Variants in ADAP2 observed in about 807,000 individuals in gnomAD.
The protein encoded by ADAP2 is arf-GAP with dual PH domain-containing protein 2.
Under a neutral mutation model 54.9 loss-of-function variants are expected in ADAP2, and 42 were observed. The observed-to-expected ratio is 0.77, with a 90% confidence interval of 0.60 to 0.99. ADAP2 has a LOEUF of 0.99. ADAP2 is among the 50% of genes least tolerant of loss of function. The pLI is 0.00. For synonymous variants in ADAP2, 177 were observed against 180.1 expected, an observed-to-expected ratio of 0.98 and a Z score of 0.14; for missense variants, 429 against 480.4, an observed-to-expected ratio of 0.89 and a Z score of 1.00.
chr17:30,941,312 A>G (rs890192290), intron 5 of ADAP2, among the ~76,000 whole-genome samples: 3 of 152,166 alleles, frequency 2.0e-5, no homozygotes, highest in Admixed American at 1.3e-4. Flanking sequence ...ATTGATGTAG[A>G]TGGTCTGCTG....
intron 2 of ADAP2, among the ~76,000 whole-genome samples, chr17:30,925,262 T>C (rs1281186229): frequency 6.8e-6 from 1 of 146,986 alleles, no homozygotes; most frequent in East Asian, 2.0e-4. Flanking sequence ...CGATCTCGGC[T>C]CACTGCAACC....
At chr17:30,934,942 A>T (rs1433084195) in intron 5 of ADAP2, among the ~76,000 whole-genome samples, 1 of 152,132 alleles carries the variant, frequency 6.6e-6, no homozygotes, top group Admixed American at 6.5e-5. Flanking sequence ...AGTCCCAGCT[A>T]CTAGGGAGTC....
chr17:30,958,678 C>G lies in ADAP2; in HGVS notation c.*809C>G, dbSNP rs1057180201. The stretch of plus-strand genomic sequence containing the variant: ...GGAAGCTGAGGCAGGAGGATTGAGA[C>G]CAGGAGTTCGAGAAGAGCCTGGGCA... On this transcript the variant is annotated 3_prime_UTR_variant, in exon 11 of 11. Coordinates refer to ENST00000330889, the MANE Select transcript of ADAP2 (RefSeq NM_018404.3). 6.6e-6 allele frequency: 1 copy of G among 152,128 alleles called. No individual in the cohort carries two copies. The highest frequency in any genetic ancestry group is 1.5e-5 in the Non-Finnish European group (1 of 68,072). The allele number at this position is 152,128 out of a possible 1,614,324, so 9.4% of individuals were successfully genotyped here. A position where few individuals can be genotyped will look rare whatever the true frequency, so the allele number is the denominator to read the frequency against.
intron 9 of ADAP2, among the ~76,000 whole-genome samples, chr17:30,955,349 A>C (rs1904987622): frequency 6.6e-6 from 1 of 151,986 alleles, no homozygotes. Flanking sequence ...AGGCTGAGAC[A>C]GGAGGATCGC....
Position 30,953,325 on chromosome 17 carries a change from G to T in ADAP2, c.779G>T (p.Gly260Val). The change falls in exon 8 of 11, where the codon GGC becomes GTC. Residue 260 changes from glycine to valine, a missense_variant. Physicochemically the swap from Gly to Val is moderately radical, Grantham distance 109 (BLOSUM62 -3). Coordinates refer to ENST00000330889, the MANE Select transcript of ADAP2 (RefSeq NM_018404.3). ...CTCACCAGGAACTACCTCAAACAAGGCTTCATGGAAAAGACTGGGCCAAAG... is the reference window on the plus strand; with the variant it reads ...CTCACCAGGAACTACCTCAAACAAGTCTTCATGGAAAAGACTGGGCCAAAG... Reference protein sequence around the residue: ...PFLTRNYLKQGFMEKTGPKQK... With the variant: ...PFLTRNYLKQVFMEKTGPKQK... 13 of 1,614,000 alleles carry T rather than the reference G, an allele frequency of 8.1e-6. No homozygotes were observed. The highest frequency in any genetic ancestry group is 1.1e-5 in the Non-Finnish European group (13 of 1,180,014).
chr17:30,936,958 T>C (rs1359121287), intron 5 of ADAP2, among the ~76,000 whole-genome samples: 4 of 152,140 alleles, frequency 2.6e-5, no homozygotes, highest in Non-Finnish European at 4.4e-5. Flanking sequence ...AGATGGAGGC[T>C]CACTCTGTCA....
chr17:30,947,400 C>T (rs1353247289), intron 6 of ADAP2, among the ~76,000 whole-genome samples: 1 of 152,150 alleles, frequency 6.6e-6, no homozygotes, highest in Non-Finnish European at 1.5e-5. Flanking sequence ...GTCACCCAGA[C>T]TGGAGTGCAG....
At chr17:30,925,197 T>G (rs1368781498) in intron 2 of ADAP2, among the ~76,000 whole-genome samples, 1 of 144,952 alleles carries the variant, frequency 6.9e-6, no homozygotes. Flanking sequence ...TTTTTTTTTT[T>G]TTTTTTGAGA....
chr17:30,942,333 C>T (rs1396154522), intron 5 of ADAP2, among the ~76,000 whole-genome samples: 2 of 152,076 alleles, frequency 1.3e-5, no homozygotes, highest in African/African-American at 2.4e-5. Flanking sequence ...CTGGTAGTGT[C>T]AAGTGTTGGT....
At chr17:30,925,452 A>G (rs1260692959) in intron 2 of ADAP2, among the ~76,000 whole-genome samples, 1 of 151,834 alleles carries the variant, frequency 6.6e-6, no homozygotes, top group Non-Finnish European at 1.5e-5. Flanking sequence ...TAGCCTCCCA[A>G]AGTGCTGGGA....
At chr17:30,944,778 T>G in intron 5 of ADAP2, 129 bp from the exon 6 acceptor site, 9 of 987,524 alleles carry the variant, frequency 9.1e-6, no homozygotes, top group Non-Finnish European at 1.2e-5. Context: ...AATTTCGATA[T>G]GAGAGCAAGA....
chr17:30,953,690 C>G (rs141700011), intron 8 of ADAP2, among the ~76,000 whole-genome samples: 8,601 of 152,098 alleles, frequency 0.057, 327 homozygotes, highest in Non-Finnish European at 0.087. Flanking sequence ...GTGCCCACCA[C>G]CATGCCCGGC....
intron 5 of ADAP2, among the ~76,000 whole-genome samples, chr17:30,942,336 G>T (rs1316111498): frequency 6.6e-6 from 1 of 152,186 alleles, no homozygotes; most frequent in Non-Finnish European, 1.5e-5. Flanking sequence ...GTAGTGTCAA[G>T]TGTTGGTGAG....
At chr17:30,925,218 C>T (rs144422718) in intron 2 of ADAP2, among the ~76,000 whole-genome samples, 7,908 of 133,274 alleles carry the variant, frequency 0.059, 664 homozygotes, top group African/African-American at 0.2. Flanking sequence ...TGCAGTCTCA[C>T]TCTGTCACCC....
chr17:30,926,270 C>T (rs1310787423), intron 2 of ADAP2, among the ~76,000 whole-genome samples: 1 of 152,210 alleles, frequency 6.6e-6, no homozygotes, highest in Non-Finnish European at 1.5e-5. Context: ...CTGCCAGGGC[C>T]ACTTTTGGTG....
At chr17:30,954,334 A>C (rs1036851413) in intron 8 of ADAP2, 144 bp from the exon 9 acceptor site, 2 of 689,180 alleles carry the variant, frequency 2.9e-6, no homozygotes, top group African/African-American at 3.5e-5. Context: ...CCCAGGGAGA[A>C]GCACTAGGAT....
intron 1 of ADAP2, 100 bp downstream of exon 1, chr17:30,922,208 TG>T: frequency 1.2e-6 from 1 of 820,332 alleles, no homozygotes; most frequent in Non-Finnish European, 1.5e-6. Context: ...CTCGGCCCCC[TG>T]GACCCAGACG....
chr17:30,958,583 G>T lies in ADAP2; in HGVS notation c.*714G>T, dbSNP rs1363096332. On this transcript the variant is annotated 3_prime_UTR_variant, in exon 11 of 11. Transcript: ENST00000330889. ...CAATGGAGACCCAAGGAGCTGGGAG[G>T]TCTCTTAAGAGACTCTCTGATTCTC... is the stretch of plus-strand genomic sequence containing the variant. The T allele has an allele frequency of 1.3e-5, 2 of 152,246 alleles. No homozygotes were observed. The highest frequency in any genetic ancestry group is 1.9e-4 in the East Asian group (1 of 5,198). 9.4% of individuals were successfully genotyped at this position (152,246 alleles called of 1,614,324 possible).
At chr17:30,924,528 C>A (rs934831559) in intron 2 of ADAP2, among the ~76,000 whole-genome samples, 46 of 152,170 alleles carry the variant, frequency 3.0e-4, no homozygotes, top group African/African-American at 1.1e-3. Flanking sequence ...CCTCAGCCTG[C>A]ATGGTAATTC....
Sources: allele counts gnomAD v4.1 joint callset (sites outside exome capture counted in the v4.1 genomes callset), GRCh38; gene constraint gnomAD v4.1.1; transcripts MANE v1.5; gene names NCBI Gene and HGNC (gene_info 2026-07-23, HGNC 2026-07-21).